The following USP9X variants were observed in gnomAD, a reference collection of about 807,000 sequenced individuals.
USP9X encodes the protein ubiquitin specific peptidase 9 X-linked.
Under a neutral mutation model 190.3 loss-of-function variants are expected in USP9X, and 7 were observed. The ratio of observed to expected loss-of-function variants is 0.04; its 90% CI spans 0.02 to 0.07. The LOEUF is 0.07. Among genes scored for constraint, USP9X ranks in the 10% least tolerant of loss-of-function variants. The pLI, the probability that USP9X is intolerant of heterozygous loss-of-function variation, is 1.00. For synonymous variants in USP9X, 645 were observed against 659.5 expected (o/e 0.98, Z 0.34); for missense variants, 1,010 against 1,916.9 (o/e 0.53, Z 8.83).
At chrX:41,106,764 C>T (rs1444510552) in intron 1 of USP9X, among the ~76,000 whole-genome samples, 2 of 109,638 alleles carry the variant, frequency 1.8e-5, no homozygotes, top group Non-Finnish European at 3.8e-5. Context: ...TTCCTGACCT[C>T]AGGTGATCCA....
chrX:41,099,329 T>G (rs1224961269), intron 1 of USP9X, among the ~76,000 whole-genome samples: 1 of 110,167 alleles, frequency 9.1e-6, no homozygotes, highest in Admixed American at 9.8e-5. Context: ...GGTCTTTTGC[T>G]GCATATCCAG....
intron 16 of USP9X, 135 bp from the exon 17 acceptor site, chrX:41,167,347 C>A (rs962868409): frequency 4.4e-6 from 2 of 450,753 alleles, no homozygotes; most frequent in Non-Finnish European, 7.5e-6. Context: ...CTTAATTTTA[C>A]TTGATTATCA....
Position 41,165,923 on chromosome X carries a change from A to G in USP9X, c.2037A>G (p.Gln679=), listed in dbSNP as rs773777050. Residue 679 remains glutamine, a synonymous_variant, in exon 16 of 45, where the codon CAA becomes CAG. Transcript: ENST00000378308. ...GGCTATGTGCTCCTCAGGCAAAACA[A>G]ATATGGAAATGCTTAGCTGAGAATG... ...QLWLCAPQAK[Q]IWKCLAENAV... 8.3e-7 allele frequency: 1 copy of G among 1,211,847 alleles called. No individual in the cohort carries two copies. Among genetic ancestry groups the G allele is most frequent in the Non-Finnish European group, 1.1e-6 (1 of 895,526 alleles).
At chrX:41,176,115 A>G (rs1460492747) in intron 21 of USP9X, among the ~76,000 whole-genome samples, 1 of 110,739 alleles carries the variant, frequency 9.0e-6, no homozygotes, top group Non-Finnish European at 1.9e-5. Context: ...TTATTTTCCT[A>G]TTTAATCAGT....
At chrX:41,175,716 T>A (rs1276338722) in intron 21 of USP9X, among the ~76,000 whole-genome samples, 2 of 110,338 alleles carry the variant, frequency 1.8e-5, no homozygotes, top group African/African-American at 3.3e-5. Context: ...CTCTAAGCAG[T>A]TAGAGCTAAG....
intron 1 of USP9X, among the ~76,000 whole-genome samples, chrX:41,122,568 T>C (rs1229331651): frequency 1.8e-5 from 2 of 111,697 alleles, no homozygotes; most frequent in African/African-American, 6.5e-5. Context: ...GGGTGAGCGC[T>C]TTTGGGCTCC....
In USP9X at chrX:41,202,304, G is replaced by A. The variant is rs181249576; in HGVS notation, c.4824+1024G>A. Among the ~76,000 whole-genome samples, 13 of 112,079 alleles carry A rather than the reference G, an allele frequency of 1.2e-4. No homozygotes were observed. The East Asian group carries it at 1.4e-3, about 12-fold the overall frequency. ...TGAGTATCCAGTGCAGTATAAAGCAGTGAAGAAGTTGAGTTGTAGTGGCGA... is the reference window on the plus strand; with the variant it reads ...TGAGTATCCAGTGCAGTATAAAGCAATGAAGAAGTTGAGTTGTAGTGGCGA... On this transcript the variant is annotated intron_variant, in intron 31 of 44. Transcript: ENST00000378308.
At position 41,233,438 on chromosome X, in the gene USP9X, CAA is replaced by C. The variant is rs770413509; in HGVS notation, c.*916_*917del. ...AATGGGAATTTTTAAAGATTTAAAA[CAA>C]ATATGCAAAAATTTGCTATGCCAAG... On this transcript the variant is annotated 3_prime_UTR_variant, in exon 45 of 45. Transcript: ENST00000378308. 6.2e-5 allele frequency: 7 copies of C among 112,305 alleles called. No individual in the cohort carries two copies. Among genetic ancestry groups the C allele is most frequent in the Non-Finnish European group, 1.1e-4 (6 of 53,271 alleles). 9.3% of individuals were successfully genotyped at this position (112,305 alleles called of 1,213,427 possible). A position where few individuals can be genotyped will look rare whatever the true frequency, so the allele number is the denominator to read the frequency against.
intron 26 of USP9X, among the ~76,000 whole-genome samples, chrX:41,195,442 T>C (rs1023688479): frequency 1.8e-5 from 2 of 111,032 alleles, no homozygotes; most frequent in Admixed American, 1.9e-4. Context: ...CATTGGAGCC[T>C]GAGAGTTGGC....
At chrX:41,108,688 T>C (rs1157649925) in intron 1 of USP9X, among the ~76,000 whole-genome samples, 2 of 111,702 alleles carry the variant, frequency 1.8e-5, no homozygotes, top group Non-Finnish European at 3.8e-5. Flanking sequence ...CCTTTCCCCC[T>C]GGGCAAAATC....
Position 41,170,176 on chromosome X carries a change from C to G in USP9X, c.2818C>G (p.Leu940Val). The change falls in exon 19 of 45, where the codon CTG becomes GTG. Residue 940 changes from leucine (L) to valine (V), a missense_variant. Leu to Val is a conservative substitution (Grantham distance 32). This residue lies in a region of USP9X where 351 missense variants were observed against 480.8 expected (regional missense o/e 0.73). Transcript: ENST00000378308. ...TKIELFVGGE[L>V]IDPADDRKLI... ...AATTGAGCTCTTTGTGGGCGGTGAG[C>G]TGATAGATCCTGCAGATGATAGAAA... is the stretch of plus-strand genomic sequence containing the variant. 1 of 1,210,930 alleles carries G rather than the reference C, an allele frequency of 8.3e-7. No individual in the cohort carries two copies. The highest frequency in any genetic ancestry group is 1.1e-6 in the Non-Finnish European group (1 of 894,978).
chrX:41,171,840 A>G lies in USP9X; in HGVS notation c.3030A>G (p.Ile1010Met), dbSNP rs763365765. The G allele has an allele frequency of 8.3e-7, 1 of 1,208,764 alleles. No individual in the cohort carries two copies. The highest frequency in any genetic ancestry group is 3.0e-5 in the East Asian group (1 of 33,828). Residue 1010 changes from isoleucine to methionine, a missense_variant and splice_region_variant, in exon 21 of 45, where the codon ATA becomes ATG. By Grantham distance (10) the Ile-to-Met change is conservative. Coordinates refer to ENST00000378308, the MANE Select transcript of USP9X (RefSeq NM_001039591.3). ...PEVESCLPGV[I>M]MSLHPRYISF... is the part of the protein sequence containing the mutation. ...ATTTTGTGTATTTTATATTCTAGATAATGTCACTGCATCCCAGATACATCT... is the reference window on the plus strand; with the variant it reads ...ATTTTGTGTATTTTATATTCTAGATGATGTCACTGCATCCCAGATACATCT...
At chrX:41,203,549 T>A (rs1366658373) in intron 31 of USP9X, among the ~76,000 whole-genome samples, 1 of 112,157 alleles carries the variant, frequency 8.9e-6, no homozygotes, top group East Asian at 2.8e-4. Context: ...CGATGGACAT[T>A]TGGGTTGCTT....
intron 32 of USP9X, among the ~76,000 whole-genome samples, chrX:41,207,669 G>C (rs1235361687): frequency 1.8e-5 from 2 of 111,355 alleles, no homozygotes; most frequent in Non-Finnish European, 3.8e-5. Context: ...GTTTTGTTTT[G>C]TAAGTAATCC....
Position 41,087,534 on chromosome X carries a change from T to C in USP9X, c.-159+1425T>C, listed in dbSNP as rs370549580. Among the ~76,000 whole-genome samples the C allele has an allele frequency of 2.0e-4, 22 of 112,610 alleles. No homozygotes were observed. In the East Asian group the frequency reaches 3.6e-3, roughly 18 times the overall value. On this transcript the variant is annotated intron_variant, in intron 1 of 44. Transcript: ENST00000378308. ...GAATTATGTATTAAATATAAAAAAG[T>C]GTCAACATTCGTTTTCTCAATTTTT...
intron 1 of USP9X, among the ~76,000 whole-genome samples, chrX:41,107,260 C>T (rs1403281978): frequency 9.0e-6 from 1 of 111,673 alleles, no homozygotes; most frequent in Non-Finnish European, 1.9e-5. Context: ...CTCAGGTGAG[C>T]CACCTGCCTT....
intron 1 of USP9X, among the ~76,000 whole-genome samples, chrX:41,091,571 G>A (rs948760049): frequency 1.8e-5 from 2 of 112,269 alleles, no homozygotes; most frequent in African/African-American, 6.5e-5. Flanking sequence ...TAGACATTTA[G>A]TAACTGTTGG....
chrX:41,086,484 G>T (rs990146920), intron 1 of USP9X, among the ~76,000 whole-genome samples: 49 of 112,479 alleles, frequency 4.4e-4, no homozygotes, highest in Non-Finnish European at 8.1e-4. Context: ...CGGTTTGGGG[G>T]CTGGCCGCCC....
intron 20 of USP9X, among the ~76,000 whole-genome samples, chrX:41,171,338 A>C (rs776734641): frequency 8.9e-6 from 1 of 111,793 alleles, no homozygotes; most frequent in Non-Finnish European, 1.9e-5. Context: ...CCCATCTCTA[A>C]AAATATAAAT....
Sources: allele counts gnomAD v4.1 joint callset (sites outside exome capture counted in the v4.1 genomes callset), GRCh38; gene constraint gnomAD v4.1.1; regional missense constraint gnomAD v4.1.1; transcripts MANE v1.5; gene names NCBI Gene and HGNC (gene_info 2026-07-23, HGNC 2026-07-21).